ANKS1B: variants seen among roughly 807,000 people sequenced by gnomAD.
ANKS1B encodes ankyrin repeat and sterile alpha motif domain containing 1B.
Under a neutral mutation model 148.3 loss-of-function variants are expected in ANKS1B, and 36 were observed. The observed-to-expected ratio is 0.24, with a 90% confidence interval of 0.19 to 0.32. The LOEUF (loss-of-function observed/expected upper bound fraction) is 0.32, where lower values mean the gene tolerates loss of function less well. ANKS1B is among the 10% of genes least tolerant of loss of function. The probability of loss-of-function intolerance (pLI) is 1.00; values close to 1 mark genes in which losing one functional copy is unlikely to be tolerated. For synonymous variants in ANKS1B, 542 were observed against 560.8 expected (o/e 0.97, Z 0.47); for missense variants, 1,157 against 1,542.6 (o/e 0.75, Z 4.19).
At chr12:99,427,462 C>T (rs890659077) in intron 11 of ANKS1B, among the ~76,000 whole-genome samples, 1 of 152,162 alleles carries the variant, frequency 6.6e-6, no homozygotes, top group African/African-American at 2.4e-5. Flanking sequence ...ACTGTTTCTC[C>T]TCATTCATGT....
chr12:99,697,897 A>AG (rs2054177567), intron 8 of ANKS1B, among the ~76,000 whole-genome samples: 1 of 152,130 alleles, frequency 6.6e-6, no homozygotes, highest in Non-Finnish European at 1.5e-5. Flanking sequence ...TTTACTCTAA[A>AG]AAGTAAAGTC....
At chr12:99,029,219 G>C (rs980975615) in intron 17 of ANKS1B, among the ~76,000 whole-genome samples, 2 of 152,182 alleles carry the variant, frequency 1.3e-5, no homozygotes, top group Admixed American at 6.5e-5. Context: ...GATTCCAGCT[G>C]CTTCTCTTTC....
chr12:99,331,179 T>C (rs746984652), intron 12 of ANKS1B, among the ~76,000 whole-genome samples: 1 of 152,010 alleles, frequency 6.6e-6, no homozygotes, highest in African/African-American at 2.4e-5. Context: ...ACTTGTGTTT[T>C]AAGACATAAA....
At chr12:98,842,916 G>T (rs565099694) in intron 17 of ANKS1B, among the ~76,000 whole-genome samples, 1 of 152,044 alleles carries the variant, frequency 6.6e-6, no homozygotes, top group Non-Finnish European at 1.5e-5. Context: ...TATTTTTGAG[G>T]GTCTTAATCC....
intron 9 of ANKS1B, among the ~76,000 whole-genome samples, chr12:99,528,829 A>T (rs981087590): frequency 2.0e-5 from 3 of 152,218 alleles, no homozygotes; most frequent in Admixed American, 6.5e-5. Context: ...TATGCACTCA[A>T]ATTATATATT....
chr12:99,043,478 G>A (rs1472758872), intron 17 of ANKS1B, among the ~76,000 whole-genome samples: 1 of 152,218 alleles, frequency 6.6e-6, no homozygotes, highest in Non-Finnish European at 1.5e-5. Flanking sequence ...TTAGGGTTCA[G>A]TAACTTGCCC....
At chr12:99,313,204 C>A (rs1451065591) in intron 12 of ANKS1B, among the ~76,000 whole-genome samples, 1 of 152,094 alleles carries the variant, frequency 6.6e-6, no homozygotes, top group East Asian at 1.9e-4. Flanking sequence ...ACACATACAT[C>A]CTCCCAGAAA....
At chr12:99,273,306 G>C (rs974751033) in intron 12 of ANKS1B, among the ~76,000 whole-genome samples, 2 of 152,136 alleles carry the variant, frequency 1.3e-5, no homozygotes, top group Non-Finnish European at 2.9e-5. Flanking sequence ...TCTATTCCAA[G>C]CTAGGGATGC....
At chr12:98,775,407 T>TC (rs1360050073) in intron 24 of ANKS1B, among the ~76,000 whole-genome samples, 5 of 152,108 alleles carry the variant, frequency 3.3e-5, no homozygotes, top group African/African-American at 1.2e-4. Flanking sequence ...TCCTGTGTCT[T>TC]TGCTGACCCC....
intron 9 of ANKS1B, among the ~76,000 whole-genome samples, chr12:99,582,545 C>G (rs1243299317): frequency 6.6e-6 from 1 of 152,086 alleles, no homozygotes; most frequent in African/African-American, 2.4e-5. Context: ...TGTGGATGAA[C>G]CTGAAAACAT....
rs61941564 is a variant in ANKS1B at position 99,920,242 on chromosome 12, G to A, written c.134+63862C>T. ...ATAAAATATATAGGAATGAATAAGCGGATAAATAACTCCCAGCGAAAAATG... is the reference window on the plus strand; with the variant it reads ...ATAAAATATATAGGAATGAATAAGCAGATAAATAACTCCCAGCGAAAAATG... On this transcript the variant is annotated intron_variant, in intron 1 of 26. Transcript: ENST00000683438. Among the ~76,000 whole-genome samples, 889 of 152,096 alleles carry A rather than the reference G, an allele frequency of 5.8e-3. 8 individuals are homozygous for A. The highest frequency in any genetic ancestry group is 9.5e-3 in the Non-Finnish European group (647 of 67,994).
intron 16 of ANKS1B, among the ~76,000 whole-genome samples, chr12:99,055,722 G>GT (rs1555196665): frequency 3.3e-4 from 3 of 9,190 alleles, no homozygotes; most frequent in South Asian, 5.4e-3. Flanking sequence ...GTCTAAACTT[G>GT]GGGGGGGGGG....
intron 8 of ANKS1B, among the ~76,000 whole-genome samples, chr12:99,703,927 T>G (rs576733142): frequency 6.6e-6 from 1 of 152,224 alleles, no homozygotes; most frequent in East Asian, 1.9e-4. Context: ...CTATGATCAG[T>G]CTCTGAATAA....
At chr12:98,850,901 C>CT (rs2099521194) in intron 17 of ANKS1B, among the ~76,000 whole-genome samples, 1 of 152,150 alleles carries the variant, frequency 6.6e-6, no homozygotes, top group South Asian at 2.1e-4. Flanking sequence ...AGGAACAATG[C>CT]TTTAACTAGG....
chr12:99,326,482 C>G (rs1028600169), intron 12 of ANKS1B, among the ~76,000 whole-genome samples: 1 of 143,988 alleles, frequency 6.9e-6, no homozygotes, highest in South Asian at 2.1e-4. Context: ...TCCGCCTTAC[C>G]ATTCTAATTT....
intron 14 of ANKS1B, among the ~76,000 whole-genome samples, chr12:99,220,108 T>C (rs1018069793): frequency 1.3e-5 from 2 of 152,132 alleles, no homozygotes; most frequent in Admixed American, 6.5e-5. Flanking sequence ...CAATCGATTC[T>C]CCTGCCTCAG....
chr12:99,786,423 G>C (rs575530384), intron 4 of ANKS1B, among the ~76,000 whole-genome samples: 42 of 152,254 alleles, frequency 2.8e-4, no homozygotes, highest in African/African-American at 9.6e-4. Flanking sequence ...TGAAGTCTAA[G>C]CAAGCTGAAA....
intron 17 of ANKS1B, among the ~76,000 whole-genome samples, chr12:98,842,925 C>T (rs1279071162): frequency 6.6e-6 from 1 of 152,130 alleles, no homozygotes; most frequent in Non-Finnish European, 1.5e-5. Flanking sequence ...GGGTCTTAAT[C>T]CTCCAAGTCA....
At chr12:99,458,209 A>T (rs748697063) in intron 10 of ANKS1B, among the ~76,000 whole-genome samples, 5 of 152,046 alleles carry the variant, frequency 3.3e-5, no homozygotes, top group Admixed American at 2.6e-4. Flanking sequence ...TATGAAAATT[A>T]AAAAATTTAC....
Sources: allele counts gnomAD v4.1 joint callset (sites outside exome capture counted in the v4.1 genomes callset), GRCh38; gene constraint gnomAD v4.1.1; transcripts MANE v1.5; gene names NCBI Gene and HGNC (gene_info 2026-07-23, HGNC 2026-07-21).